Variants in WNT3 observed in about 807,000 individuals in gnomAD.
WNT3 encodes the protein Wnt family member 3, also known as proto-oncogene Wnt-3.
WNT3 carries 7 observed loss-of-function variants against 34.2 expected under a neutral mutation model. That is an observed-to-expected ratio of 0.20 (90% confidence interval 0.12 to 0.38). The LOEUF is 0.38. Among genes scored for constraint, WNT3 ranks in the 10% least tolerant of loss-of-function variants. The pLI, the probability that WNT3 is intolerant of heterozygous loss-of-function variation, is 1.00. For missense variants in WNT3, 267 were observed against 499.8 expected (o/e 0.53, Z 4.44); for synonymous variants, 212 against 211.5 (o/e 1.00, Z -0.02).
At chr17:46,776,078 G>A (rs1223969508) in intron 1 of WNT3, among the ~76,000 whole-genome samples, 2 of 152,224 alleles carry the variant, frequency 1.3e-5, no homozygotes, top group Admixed American at 1.3e-4. Context: ...AGCCTTGCAG[G>A]TTGATGAAGC....
At chr17:46,770,185 G>T (rs1003007889) in intron 2 of WNT3, 137 bp from the exon 3 acceptor site, 4 of 1,229,718 alleles carry the variant, frequency 3.3e-6, no homozygotes, top group Non-Finnish European at 4.4e-6. Context: ...AGGCAAGAGG[G>T]AGGCAGCTTC....
At chr17:46,817,303 T>C (rs952155682) in intron 1 of WNT3, among the ~76,000 whole-genome samples, 1 of 152,158 alleles carries the variant, frequency 6.6e-6, no homozygotes, top group Non-Finnish European at 1.5e-5. Context: ...TGGCACTTCT[T>C]TCTGACTTTC....
chr17:46,785,909 TC>T (rs1277767876), intron 1 of WNT3, among the ~76,000 whole-genome samples: 1 of 152,236 alleles, frequency 6.6e-6, no homozygotes, highest in African/African-American at 2.4e-5. Flanking sequence ...GCTTCTGTTC[TC>T]CAAAGCAGCT....
chr17:46,818,384 G>T, intron 1 of WNT3, 134 bp downstream of exon 1: 1 of 819,868 alleles, frequency 1.2e-6, no homozygotes, highest in Non-Finnish European at 2.0e-6. Context: ...CAGGAGGGGT[G>T]GGCGGGTGGG....
chr17:46,783,684 T>C (rs2059480375), intron 1 of WNT3, among the ~76,000 whole-genome samples: 1 of 152,144 alleles, frequency 6.6e-6, no homozygotes, highest in Admixed American at 6.5e-5. Flanking sequence ...GTGTCCTCAC[T>C]GCCTCTGGAG....
chr17:46,789,900 A>G (rs76852064), intron 1 of WNT3, among the ~76,000 whole-genome samples: 1,763 of 152,130 alleles, frequency 0.012, 31 homozygotes, highest in African/African-American at 0.039. Flanking sequence ...TCCACTCTCT[A>G]CCTTTCAAGG....
intron 1 of WNT3, among the ~76,000 whole-genome samples, chr17:46,810,914 C>T (rs2084266079): frequency 6.6e-6 from 1 of 152,268 alleles, no homozygotes; most frequent in South Asian, 2.1e-4. Flanking sequence ...CGCCCACCTC[C>T]TCACACTGGC....
At chr17:46,791,782 A>G (rs2083990586) in intron 1 of WNT3, among the ~76,000 whole-genome samples, 2 of 151,984 alleles carry the variant, frequency 1.3e-5, no homozygotes, top group African/African-American at 2.4e-5. Context: ...GCGCATGCCT[A>G]TAATCACAGC....
At chr17:46,810,200 G>A (rs2084255595) in intron 1 of WNT3, among the ~76,000 whole-genome samples, 1 of 151,824 alleles carries the variant, frequency 6.6e-6, no homozygotes, top group African/African-American at 2.4e-5. Flanking sequence ...TAGAGACAGG[G>A]TTTCACCATG....
At chr17:46,772,038 A>G (rs2059378850) in intron 2 of WNT3, among the ~76,000 whole-genome samples, 1 of 151,802 alleles carries the variant, frequency 6.6e-6, no homozygotes, top group African/African-American at 2.4e-5. Context: ...CGGGTCTCAA[A>G]GCGCGGGGCA....
At chr17:46,811,388 G>A (rs1045091257) in intron 1 of WNT3, among the ~76,000 whole-genome samples, 3 of 152,328 alleles carry the variant, frequency 2.0e-5, no homozygotes, top group Admixed American at 2.0e-4. Context: ...GCATTGGGGT[G>A]ACTCTCTGAG....
intron 1 of WNT3, 64 bp downstream of exon 1, chr17:46,818,454 G>A (rs2084382121): frequency 1.3e-6 from 2 of 1,521,032 alleles, no homozygotes; most frequent in African/African-American, 2.8e-5. Context: ...CCCAGCCGGC[G>A]CCCCCACCTT....
intron 1 of WNT3, among the ~76,000 whole-genome samples, chr17:46,802,693 C>G (rs531349040): frequency 6.6e-6 from 1 of 152,276 alleles, no homozygotes; most frequent in East Asian, 1.9e-4. Flanking sequence ...TGGAATGAAG[C>G]CCCCATACAA....
intron 1 of WNT3, among the ~76,000 whole-genome samples, chr17:46,779,255 C>A (rs1221194814): frequency 6.6e-6 from 1 of 152,220 alleles, no homozygotes; most frequent in Non-Finnish European, 1.5e-5. Flanking sequence ...ACACACAGGA[C>A]AAGACTCCTT....
intron 1 of WNT3, among the ~76,000 whole-genome samples, chr17:46,816,119 A>G (rs8073600): frequency 1.3e-5 from 2 of 150,552 alleles, no homozygotes; most frequent in Admixed American, 6.6e-5. Flanking sequence ...ACGTACACAC[A>G]CACACACACA....
intron 1 of WNT3, among the ~76,000 whole-genome samples, chr17:46,790,096 G>A (rs549846508): frequency 7.2e-5 from 11 of 152,194 alleles, no homozygotes; most frequent in African/African-American, 2.4e-5. Flanking sequence ...ATCCCCAGGC[G>A]AGGCAGTCCA....
intron 1 of WNT3, among the ~76,000 whole-genome samples, chr17:46,786,636 C>CAGAT (rs2146413168): frequency 6.6e-6 from 1 of 152,354 alleles, no homozygotes; most frequent in South Asian, 2.1e-4. Flanking sequence ...AGGTAAAGCC[C>CAGAT]AGATGCCCTG....
rs374771510 is a variant in WNT3 at position 46,815,959 on chromosome 17, C to T, written c.80+2559G>A. ...CAGCACCTGGGGACAGGATCACAGG[C>T]GGACTCAGACACAGCCCTCACACAG... On this transcript the variant is annotated intron_variant, in intron 1 of 4. Coordinates refer to ENST00000225512, the MANE Select transcript of WNT3 (RefSeq NM_030753.5). 1.9e-4 allele frequency among the ~76,000 whole-genome samples: 29 copies of T among 152,262 alleles called. 1 individual carries two copies. Among genetic ancestry groups the T allele is most frequent in the African/African-American group, 4.1e-4 (17 of 41,546 alleles).
At chr17:46,779,105 C>CACACACA (rs1568079934) in intron 1 of WNT3, among the ~76,000 whole-genome samples, 5 of 35,394 alleles carry the variant, frequency 1.4e-4, no homozygotes, top group South Asian at 9.5e-4. Context: ...ACACACACAC[C>CACACACA]CCAGCCCACT....
Sources: allele counts gnomAD v4.1 joint callset (sites outside exome capture counted in the v4.1 genomes callset), GRCh38; gene constraint gnomAD v4.1.1; transcripts MANE v1.5; gene names NCBI Gene and HGNC (gene_info 2026-07-23, HGNC 2026-07-21).